PCBP3: variants seen among roughly 807,000 people sequenced by gnomAD.
PCBP3 encodes poly(rC)-binding protein 3.
In PCBP3, 25 loss-of-function variants were observed where a neutral mutation model predicts 52.7. The observed-to-expected ratio is 0.47, with a 90% confidence interval of 0.35 to 0.66. The LOEUF is 0.66. Ranked by LOEUF, PCBP3 falls within the 30% of genes least tolerant of loss-of-function variation. The pLI, the probability that PCBP3 is intolerant of heterozygous loss-of-function variation, is 0.01. For synonymous variants in PCBP3, 162 were observed against 183.0 expected, an observed-to-expected ratio of 0.89 and a Z score of 0.93; for missense variants, 391 against 490.3, an observed-to-expected ratio of 0.80 and a Z score of 1.91.
chr21:45,697,117 A>G (rs921047760), intron 2 of PCBP3, among the ~76,000 whole-genome samples: 1 of 152,206 alleles, frequency 6.6e-6, no homozygotes, highest in African/African-American at 2.4e-5. Context: ...ACCATATGAC[A>G]CACTAGTCTT....
chr21:45,939,887 C>A, intron 16 of PCBP3, 143 bp from the exon 17 acceptor site: 1 of 698,084 alleles, frequency 1.4e-6, no homozygotes, highest in Non-Finnish European at 2.4e-6. Context: ...TGGGCGGGGC[C>A]TCTCCGGGGT....
chr21:45,875,889 C>A (rs914023870), intron 5 of PCBP3, among the ~76,000 whole-genome samples: 1 of 152,196 alleles, frequency 6.6e-6, no homozygotes, highest in African/African-American at 2.4e-5. Flanking sequence ...TGTCTGGATC[C>A]CCCACTGCTC....
chr21:45,815,114 A>AGTG (rs2092855393), intron 4 of PCBP3, among the ~76,000 whole-genome samples: 2 of 16,300 alleles, frequency 1.2e-4, no homozygotes, highest in Non-Finnish European at 2.5e-4. Flanking sequence ...GTGAGTGGTG[A>AGTG]GTGAGTGGTG....
chr21:45,779,903 T>C (rs1340925929), intron 4 of PCBP3, among the ~76,000 whole-genome samples: 1 of 152,186 alleles, frequency 6.6e-6, no homozygotes, highest in Non-Finnish European at 1.5e-5. Flanking sequence ...TGCAGTGTGG[T>C]ATTGCTGTTA....
At chr21:45,790,233 C>A (rs1484682607) in intron 4 of PCBP3, among the ~76,000 whole-genome samples, 1 of 152,040 alleles carries the variant, frequency 6.6e-6, no homozygotes, top group African/African-American at 2.4e-5. Context: ...AGAGGTGGTC[C>A]CGAGGACGTC....
chr21:45,899,146 G>A (rs974490745), intron 6 of PCBP3, among the ~76,000 whole-genome samples: 2 of 152,276 alleles, frequency 1.3e-5, no homozygotes, highest in Admixed American at 6.5e-5. Flanking sequence ...GCATCTTCCA[G>A]CGTTCCTTTT....
At chr21:45,756,740 T>C (rs1406669755) in intron 4 of PCBP3, among the ~76,000 whole-genome samples, 1 of 152,240 alleles carries the variant, frequency 6.6e-6, no homozygotes, top group Admixed American at 6.5e-5. Flanking sequence ...AAGTTTTGTA[T>C]TAATGGAATC....
intron 12 of PCBP3, chr21:45,916,325 C>G (rs778928149): frequency 2.0e-5 from 3 of 152,262 alleles, no homozygotes; most frequent in South Asian, 2.1e-4. Flanking sequence ...AAAACACTTG[C>G]AGGTGGCCCT....
rs146674935 is a variant in PCBP3, at chr21:45,901,242, C to T, written c.339+129C>T. 5.4e-3 allele frequency: 3,775 copies of T among 703,942 alleles called. 22 individuals are homozygous for T. The highest frequency in any genetic ancestry group is 0.015 in the South Asian group (975 of 64,654). 43.6% of individuals were successfully genotyped at this position (703,942 alleles called of 1,614,324 possible). A position where few individuals can be genotyped will look rare whatever the true frequency, so the allele number is the denominator to read the frequency against. Reference sequence around the variant, plus strand: ...GCCCGCCCAGGCAACCCCATAACTACGCTCACCTCCTTTGCCTCCCAGGGC... The same window carrying T: ...GCCCGCCCAGGCAACCCCATAACTATGCTCACCTCCTTTGCCTCCCAGGGC... On this transcript the variant is annotated intron_variant, in intron 9 of 17. Transcript: ENST00000681687.
intron 7 of PCBP3, among the ~76,000 whole-genome samples, chr21:45,900,091 C>T (rs1161823455): frequency 6.6e-6 from 1 of 152,236 alleles, no homozygotes. Context: ...TGAGGGCCAC[C>T]TCCCTGTCTT....
At chr21:45,939,211 C>T (rs996889643) in intron 16 of PCBP3, among the ~76,000 whole-genome samples, 13 of 152,272 alleles carry the variant, frequency 8.5e-5, no homozygotes, top group African/African-American at 3.1e-4. Context: ...CCTGTCCAAG[C>T]TCCAGAGCTC....
chr21:45,743,342 C>T (rs1049652456), intron 3 of PCBP3, among the ~76,000 whole-genome samples: 1 of 152,120 alleles, frequency 6.6e-6, no homozygotes, highest in African/African-American at 2.4e-5. Flanking sequence ...AAGTATGCTC[C>T]CTGTAGCTCT....
chr21:45,923,781 T>G (rs9984088), intron 13 of PCBP3, among the ~76,000 whole-genome samples: 1 of 118,676 alleles, frequency 8.4e-6, no homozygotes, highest in Non-Finnish European at 1.9e-5. Context: ...CTGGAACAGT[T>G]GAGTGGATAG....
chr21:45,882,356 C>A (rs1358611972), intron 5 of PCBP3, among the ~76,000 whole-genome samples: 1 of 152,080 alleles, frequency 6.6e-6, no homozygotes, highest in African/African-American at 2.4e-5. Context: ...GTTTCTTTGC[C>A]ATTTTTTTAA....
At chr21:45,927,713 C>A (rs544365461) in intron 13 of PCBP3, among the ~76,000 whole-genome samples, 1 of 152,214 alleles carries the variant, frequency 6.6e-6, no homozygotes, top group East Asian at 2.0e-4. Context: ...AAGCCCAAAA[C>A]GTATCAGGAG....
intron 2 of PCBP3, among the ~76,000 whole-genome samples, chr21:45,710,140 T>C (rs2083731687): frequency 6.6e-6 from 1 of 152,212 alleles, no homozygotes; most frequent in African/African-American, 2.4e-5. Context: ...GTAAAGTGAC[T>C]CTTCTTTTTT....
rs77345995 is a variant in PCBP3 at position 45,834,961 on chromosome 21, G to A, written c.-125-15000G>A. 2.0e-5 allele frequency among the ~76,000 whole-genome samples: 3 copies of A among 152,238 alleles called. No homozygotes were observed. The South Asian group carries it at 6.2e-4, about 31-fold the overall frequency. On this transcript the variant is annotated intron_variant, in intron 4 of 17. Coordinates refer to ENST00000681687, the MANE Select transcript of PCBP3 (RefSeq NM_001384156.1). ...AGCGCTGCTGGAAATGTCACTCTGCGCGGTGTCCACCCGTGCTCGGGGTGG... is the reference window on the plus strand; with the variant it reads ...AGCGCTGCTGGAAATGTCACTCTGCACGGTGTCCACCCGTGCTCGGGGTGG...
chr21:45,925,965 C>T (rs1736419), intron 13 of PCBP3, among the ~76,000 whole-genome samples: 93,281 of 152,062 alleles, frequency 0.61, 29,297 homozygotes, highest in Middle Eastern at 0.66. Context: ...TGCCGTACCT[C>T]GAACGTTACA....
chr21:45,909,772 C>A (rs2096298440), intron 10 of PCBP3, among the ~76,000 whole-genome samples: 2 of 106,376 alleles, frequency 1.9e-5, no homozygotes, highest in African/African-American at 3.9e-5. Context: ...ACCCCCCCCA[C>A]CCACTGCCCA....
Sources: allele counts gnomAD v4.1 joint callset (sites outside exome capture counted in the v4.1 genomes callset), GRCh38; gene constraint gnomAD v4.1.1; transcripts MANE v1.5; gene names NCBI Gene and HGNC (gene_info 2026-07-23, HGNC 2026-07-21).